Variants in RIMKLB observed in about 807,000 individuals in gnomAD.
RIMKLB encodes ribosomal modification protein rimK like family member B.
In RIMKLB, 7 loss-of-function variants were observed where a neutral mutation model predicts 32.0. The ratio of observed to expected loss-of-function variants is 0.22; its 90% CI spans 0.12 to 0.41. The LOEUF (loss-of-function observed/expected upper bound fraction) is 0.41, where lower values mean the gene tolerates loss of function less well. Among genes scored for constraint, RIMKLB ranks in the 10% least tolerant of loss-of-function variants. The pLI is 1.00. For missense variants in RIMKLB, 289 were observed against 498.7 expected, an observed-to-expected ratio of 0.58 and a Z score of 4.00; for synonymous variants, 172 against 185.1, an observed-to-expected ratio of 0.93 and a Z score of 0.57.
rs1644882592 is a variant in RIMKLB, at chr12:8,775,181, C to T, written c.*1397C>T. On this transcript the variant is annotated 3_prime_UTR_variant, in exon 6 of 6. Transcript: ENST00000535829. Reference sequence around the variant, plus strand: ...ACATGCTTTTCTTTAATGCTTCTGGCTATGCATTTTCTCTTTTTACATATA... The same window carrying T: ...ACATGCTTTTCTTTAATGCTTCTGGTTATGCATTTTCTCTTTTTACATATA... The T allele has an allele frequency of 1.0e-6, 1 of 985,532 alleles. No homozygotes were observed. Among genetic ancestry groups the T allele is most frequent in the South Asian group, 4.7e-5 (1 of 21,270 alleles). 61.0% of individuals were successfully genotyped at this position (985,532 alleles called of 1,614,324 possible).
At chr12:8,679,427 G>C (rs1192004507), upstream of RIMKLB, 1 of 152,476 alleles carries the variant, frequency 6.6e-6, no homozygotes, top group Non-Finnish European at 1.5e-5. Flanking sequence ...CTGACTTCAA[G>C]TAATCCGCCC....
chr12:8,684,267 G>A (rs762975514), intron 1 of RIMKLB, among the ~76,000 whole-genome samples: 10 of 150,954 alleles, frequency 6.6e-5, no homozygotes, highest in Non-Finnish European at 1.2e-4. Context: ...TCTGCCTCCC[G>A]GTTCAAGCGA....
chr12:8,711,336 C>T (rs1190538460), intron 1 of RIMKLB, among the ~76,000 whole-genome samples: 1 of 151,050 alleles, frequency 6.6e-6, no homozygotes, highest in Admixed American at 6.6e-5. Flanking sequence ...GAGTTTGAGG[C>T]TGCAATGGGC....
At chr12:8,670,371 T>C in the RIMKLB span, among the ~76,000 whole-genome samples, 1 of 151,970 alleles carries the variant, frequency 6.6e-6, no homozygotes, top group Admixed American at 6.6e-5. Context: ...GGGGTACAGG[T>C]ATTGGGTAAA....
intron 2 of RIMKLB, among the ~76,000 whole-genome samples, chr12:8,740,229 A>C (rs1192655892): frequency 1.3e-5 from 2 of 152,164 alleles, no homozygotes; most frequent in Non-Finnish European, 2.9e-5. Flanking sequence ...CTAGTTTCTG[A>C]ATTCTTTGAT....
intron 4 of RIMKLB, 99 bp downstream of exon 4, chr12:8,752,142 G>A: frequency 1.3e-6 from 1 of 767,448 alleles, no homozygotes; most frequent in Admixed American, 2.2e-5. Context: ...ATTGTTAGAT[G>A]CATGATACCT....
chr12:8,718,314 T>C (rs1033270378), intron 2 of RIMKLB, among the ~76,000 whole-genome samples: 1 of 152,176 alleles, frequency 6.6e-6, no homozygotes, highest in Admixed American at 6.5e-5. Flanking sequence ...AGTTTTATGC[T>C]TGTTCTTTGG....
intron 2 of RIMKLB, among the ~76,000 whole-genome samples, chr12:8,741,729 G>A (rs931207383): frequency 4.6e-5 from 7 of 151,446 alleles, no homozygotes; most frequent in African/African-American, 1.2e-4. Context: ...GCAGTGAGCC[G>A]AGATGGCGCC....
intron 2 of RIMKLB, among the ~76,000 whole-genome samples, chr12:8,735,752 C>T (rs1015385705): frequency 3.3e-5 from 5 of 150,560 alleles, no homozygotes; most frequent in South Asian, 4.2e-4. Flanking sequence ...TTTTTTAAGA[C>T]GTAGTTTCGC....
chr12:8,782,158 G>A (rs1011989879), downstream of RIMKLB, among the ~76,000 whole-genome samples: 3 of 151,822 alleles, frequency 2.0e-5, no homozygotes, highest in African/African-American at 4.8e-5. Flanking sequence ...GTTTTAATCT[G>A]AATCAAAAAT....
At position 8,750,127 on chromosome 12, in the gene RIMKLB, T is replaced by A. The variant is rs756988295; in HGVS notation, c.406+35T>A. The A allele has an allele frequency of 5.3e-5, 69 of 1,290,452 alleles. 1 individual carries two copies. The highest frequency in any genetic ancestry group is 3.9e-4 in the Admixed American group (23 of 58,368). The allele number at this position is 1,290,452 out of a possible 1,614,324, so 79.9% of individuals were successfully genotyped here. A position where few individuals can be genotyped will look rare whatever the true frequency, so the allele number is the denominator to read the frequency against. On this transcript the variant is annotated intron_variant, in intron 3 of 5. Coordinates refer to ENST00000535829, the MANE Select transcript of RIMKLB (RefSeq NM_001297776.2). ...CTAAAGAGCATACATAGCCTGAATA[T>A]TAACCACTGATAGTTTTAATAGGAT...
intron 2 of RIMKLB, among the ~76,000 whole-genome samples, chr12:8,717,327 T>C (rs994958719): frequency 8.5e-5 from 13 of 152,308 alleles, no homozygotes; most frequent in African/African-American, 2.9e-4. Flanking sequence ...GTTTAAAAAA[T>C]GTTACACGTC....
chr12:8,734,139 G>A (rs1279222004), intron 2 of RIMKLB, among the ~76,000 whole-genome samples: 1 of 152,188 alleles, frequency 6.6e-6, no homozygotes, highest in African/African-American at 2.4e-5. Flanking sequence ...TGGAAAAGTT[G>A]TATTTTACCT....
chr12:8,709,077 A>G (rs1325743130), intron 1 of RIMKLB, among the ~76,000 whole-genome samples: 1 of 152,178 alleles, frequency 6.6e-6, no homozygotes, highest in Non-Finnish European at 1.5e-5. Flanking sequence ...GACATTTGCA[A>G]TTGCTGCGTT....
At chr12:8,768,816 T>C (rs2138185876) in intron 5 of RIMKLB, among the ~76,000 whole-genome samples, 1 of 152,344 alleles carries the variant, frequency 6.6e-6, no homozygotes, top group African/African-American at 2.4e-5. Context: ...GTTTCCAGTT[T>C]TTTGCCAAAG....
chr12:8,742,307 A>G (rs1344041166), intron 2 of RIMKLB: 1 of 157,850 alleles, frequency 6.3e-6, no homozygotes, highest in Non-Finnish European at 1.4e-5. Flanking sequence ...AATGCTTTTC[A>G]TTTGACTATT....
intron 2 of RIMKLB, among the ~76,000 whole-genome samples, chr12:8,721,231 G>T (rs1376693240): frequency 1.3e-5 from 2 of 152,200 alleles, no homozygotes; most frequent in Non-Finnish European, 2.9e-5. Context: ...ACTAGTCAGG[G>T]TGGTGGTTGC....
chr12:8,718,091 C>T (rs1159267002), intron 2 of RIMKLB, among the ~76,000 whole-genome samples: 1 of 152,084 alleles, frequency 6.6e-6, no homozygotes, highest in African/African-American at 2.4e-5. Flanking sequence ...GCTGATTTTT[C>T]ACAACTATCC....
In RIMKLB at chr12:8,698,259, T is replaced by C; in HGVS notation, c.-95T>C. 2 of 365,758 alleles carry C rather than the reference T, an allele frequency of 5.5e-6. No homozygotes were observed. The highest frequency in any genetic ancestry group is 3.1e-5 in the Admixed American group (1 of 32,240). 22.7% of individuals were successfully genotyped at this position (365,758 alleles called of 1,614,324 possible). A position where few individuals can be genotyped will look rare whatever the true frequency, so the allele number is the denominator to read the frequency against. ...GCTTCCTCGAAGGCCCCAGCCCGGC[T>C]CAGTCGGCCGAGAGCGAGGGAGGAG... On this transcript the variant is annotated 5_prime_UTR_variant, in exon 1 of 6. Transcript: ENST00000535829.
Sources: allele counts gnomAD v4.1 joint callset (sites outside exome capture counted in the v4.1 genomes callset), GRCh38; gene constraint gnomAD v4.1.1; transcripts MANE v1.5; gene names NCBI Gene and HGNC (gene_info 2026-07-23, HGNC 2026-07-21).